The following NRDC variants were observed in gnomAD, a reference collection of about 807,000 sequenced individuals.
NRDC encodes nardilysin.
NRDC carries 54 observed loss-of-function variants against 147.1 expected under a neutral mutation model. The ratio of observed to expected loss-of-function variants is 0.37; its 90% confidence interval spans 0.29 to 0.46. NRDC has a LOEUF of 0.46. Ranked by LOEUF, NRDC falls within the 20% of genes least tolerant of loss-of-function variation. The pLI, the probability that NRDC is intolerant of heterozygous loss-of-function variation, is 1.00. For missense variants in NRDC, 1,082 were observed against 1,370.6 expected, an observed-to-expected ratio of 0.79 and a Z score of 3.33; for synonymous variants, 440 against 482.1, an observed-to-expected ratio of 0.91 and a Z score of 1.14.
At chr1:51,830,187 A>T (rs1185448653) in intron 4 of NRDC, among the ~76,000 whole-genome samples, 2 of 151,252 alleles carry the variant, frequency 1.3e-5, no homozygotes, top group South Asian at 2.1e-4. Context: ...CTGGTTTCAA[A>T]CTCCTGACCT....
At chr1:51,795,261 CCTT>C in intron 22 of NRDC, 1 of 1,218,438 alleles carries the variant, frequency 8.2e-7, no homozygotes, top group South Asian at 1.3e-5. Context: ...CATCCTCTTC[CCTT>C]CTTAAGAATT....
chr1:51,791,624 T>C lies in NRDC; in HGVS notation c.2914A>G (p.Ile972Val). ...CCCACAGTGACAGAAAATCCTAGAA[T>C]CCCGGATGTGTTCCTACAGGTAGGG... ...VYPTCRNTSG[I>V]LGFSVTVGTQ... The change falls in exon 27 of 31, where the codon ATT (isoleucine) becomes GTT (valine). Residue 972 changes from isoleucine (I) to valine (V), a missense_variant. By Grantham distance (29) the Ile-to-Val change is conservative. Transcript: ENST00000352171. 1.2e-6 allele frequency: 2 copies of C among 1,613,898 alleles called. No homozygotes were observed. The highest frequency in any genetic ancestry group is 1.7e-6 in the Non-Finnish European group (2 of 1,179,866).
chr1:51,854,693 G>T (rs1479762513), intron 1 of NRDC, among the ~76,000 whole-genome samples: 1 of 152,242 alleles, frequency 6.6e-6, no homozygotes, highest in Non-Finnish European at 1.5e-5. Context: ...GGAGGCCAAG[G>T]TGGGAGGATC....
intron 1 of NRDC, among the ~76,000 whole-genome samples, chr1:51,871,407 GTAA>G (rs1683078205): frequency 6.8e-6 from 1 of 147,024 alleles, no homozygotes; most frequent in African/African-American, 2.5e-5. Context: ...GCTTTCACCA[GTAA>G]TAATTTCTCG....
At chr1:51,859,511 T>C (rs1277419963) in intron 1 of NRDC, among the ~76,000 whole-genome samples, 1 of 152,230 alleles carries the variant, frequency 6.6e-6, no homozygotes, top group African/African-American at 2.4e-5. Context: ...TCCCCTGCCC[T>C]AGCTTTGCCT....
In NRDC at chr1:51,790,566, T is replaced by A. The variant is rs762989455; in HGVS notation, c.3135A>T (p.Thr1045=). Residue 1045 remains threonine (T), a synonymous_variant, in exon 29 of 31, where the codon ACA becomes ACT. Coordinates refer to ENST00000352171, the MANE Select transcript of NRDC (RefSeq NM_001101662.2). The part of the protein sequence containing the change: ...EVDRNWNEVV[T]QQYLFDRLAH... The stretch of plus-strand genomic sequence containing the variant: ...CAAGGCGGTCAAAGAGGTACTGCTG[T>A]GTAACCACTTCATTCCAGTTCCTAT... The A allele has an allele frequency of 6.2e-7, 1 of 1,613,972 alleles. No individual in the cohort carries two copies. Among genetic ancestry groups the A allele is most frequent in the South Asian group, 1.1e-5 (1 of 91,086 alleles).
chr1:51,817,695 C>T (rs1680034221), intron 10 of NRDC, among the ~76,000 whole-genome samples: 1 of 152,176 alleles, frequency 6.6e-6, no homozygotes, highest in Admixed American at 6.6e-5. Flanking sequence ...GTGTGTGCCA[C>T]CACGCCTTGG....
intron 2 of NRDC, among the ~76,000 whole-genome samples, chr1:51,836,709 A>C (rs545589655): frequency 4.6e-5 from 7 of 152,326 alleles, no homozygotes; most frequent in Admixed American, 3.9e-4. Flanking sequence ...GAATAAGATA[A>C]CATTTTAGGA....
At chr1:51,850,926 C>T (rs1681915713) in intron 1 of NRDC, among the ~76,000 whole-genome samples, 1 of 152,108 alleles carries the variant, frequency 6.6e-6, no homozygotes, top group Non-Finnish European at 1.5e-5. Flanking sequence ...GATATCTGGC[C>T]TTATTGGACT....
At chr1:51,836,089 G>T in intron 3 of NRDC, 42 bp downstream of exon 3, 1 of 1,466,608 alleles carries the variant, frequency 6.8e-7, no homozygotes, top group South Asian at 1.1e-5. Flanking sequence ...GTTTGGAGGG[G>T]GGAAAAAAAC....
chr1:51,799,264 T>G (rs1024759939), intron 21 of NRDC: 1 of 152,174 alleles, frequency 6.6e-6, no homozygotes, highest in African/African-American at 2.4e-5. Context: ...GTTACATAGG[T>G]ATACATGTAC....
Position 51,878,621 on chromosome 1 carries a change from A to T in NRDC, c.-6T>A. 6.2e-7 allele frequency: 1 copy of T among 1,604,658 alleles called. No individual in the cohort carries two copies. Among genetic ancestry groups the T allele is most frequent in the Non-Finnish European group, 8.5e-7 (1 of 1,175,576 alleles). On this transcript the variant is annotated 5_prime_UTR_variant, in exon 1 of 31. Transcript: ENST00000352171. ...ACAGTGACTCTCCTCAGCATTCACC[A>T]CCAAGCTGGAGCGATGGACATCCCG...
At chr1:51,817,544 AATT>A (rs1340403727) in intron 10 of NRDC, among the ~76,000 whole-genome samples, 1 of 152,044 alleles carries the variant, frequency 6.6e-6, no homozygotes, top group Non-Finnish European at 1.5e-5. Context: ...TACCAATCCA[AATT>A]ATTATTATTT....
intron 1 of NRDC, among the ~76,000 whole-genome samples, chr1:51,866,367 G>A (rs770561172): frequency 1.1e-4 from 16 of 152,238 alleles, no homozygotes; most frequent in Non-Finnish European, 1.9e-4. Context: ...TATCTAGTGA[G>A]GTTAAAAATG....
At chr1:51,797,754 T>C (rs1678996549) in intron 22 of NRDC, among the ~76,000 whole-genome samples, 1 of 152,114 alleles carries the variant, frequency 6.6e-6, no homozygotes. Context: ...CAGCAATCTA[T>C]TTTTCTCTCT....
chr1:51,836,335 T>C, intron 2 of NRDC, 123 bp from the exon 3 acceptor site: 3 of 1,605,702 alleles, frequency 1.9e-6, no homozygotes, highest in Non-Finnish European at 2.6e-6. Context: ...ATTCTTTCCC[T>C]GAGAATCAGG....
intron 11 of NRDC, 130 bp downstream of exon 11, chr1:51,816,182 T>C (rs1313256447): frequency 9.3e-6 from 4 of 427,812 alleles, no homozygotes; most frequent in Non-Finnish European, 1.6e-5. Flanking sequence ...TTAAAATAAC[T>C]ATAATTAAGC....
intron 14 of NRDC, 137 bp downstream of exon 14, chr1:51,813,898 C>G (rs1199326663): frequency 1.5e-6 from 1 of 650,766 alleles, no homozygotes; most frequent in African/African-American, 1.8e-5. Flanking sequence ...CAGATAGCTT[C>G]AAGGCCACCT....
rs1420946996 is a variant in NRDC at position 51,861,346 on chromosome 1, T to C, written c.341+16929A>G. On this transcript the variant is annotated intron_variant, in intron 1 of 30. Coordinates refer to ENST00000352171, the MANE Select transcript of NRDC (RefSeq NM_001101662.2). ...TCTCTTCTTCTTCTTTTTTTTTTTTTTGAGACAAAGTCTTGCTCTGTTGCC... is the reference window on the plus strand; with the variant it reads ...TCTCTTCTTCTTCTTTTTTTTTTTTCTGAGACAAAGTCTTGCTCTGTTGCC... Among the ~76,000 whole-genome samples, 19 of 149,400 alleles carry C rather than the reference T, an allele frequency of 1.3e-4. No homozygotes were observed. In the East Asian group the frequency reaches 3.7e-3, roughly 29 times the overall value.
Sources: allele counts gnomAD v4.1 joint callset (sites outside exome capture counted in the v4.1 genomes callset), GRCh38; gene constraint gnomAD v4.1.1; transcripts MANE v1.5; gene names NCBI Gene and HGNC (gene_info 2026-07-23, HGNC 2026-07-21).